PTPRJ: variants seen among roughly 807,000 people sequenced by gnomAD.
PTPRJ encodes the protein receptor-type tyrosine-protein phosphatase eta.
PTPRJ carries 129 observed loss-of-function variants against 141.3 expected under a neutral mutation model. The observed-to-expected ratio is 0.91, with a 90% CI of 0.79 to 1.06. The LOEUF (loss-of-function observed/expected upper bound fraction) is 1.06, where lower values mean the gene tolerates loss of function less well. PTPRJ is among the 50% of genes least tolerant of loss of function. The pLI is 0.00. For missense variants in PTPRJ, 1,601 were observed against 1,679.7 expected, an observed-to-expected ratio of 0.95 and a Z score of 0.82; for synonymous variants, 610 against 640.5, an observed-to-expected ratio of 0.95 and a Z score of 0.72.
At chr11:48,028,563 G>T (rs545587705) in intron 1 of PTPRJ, among the ~76,000 whole-genome samples, 1 of 152,200 alleles carries the variant, frequency 6.6e-6, no homozygotes, top group Admixed American at 6.5e-5. Context: ...GGCTGAGGTG[G>T]GTGGCTCACC....
At chr11:48,136,945 T>C in intron 9 of PTPRJ, 58 bp from the exon 10 acceptor site, 1 of 1,461,848 alleles carries the variant, frequency 6.8e-7, no homozygotes, top group South Asian at 1.3e-5. Context: ...TAGTAAATAG[T>C]CCTGGAATTC....
At chr11:48,156,701 T>C (rs1272352288) in intron 21 of PTPRJ, among the ~76,000 whole-genome samples, 1 of 151,288 alleles carries the variant, frequency 6.6e-6, no homozygotes, top group Non-Finnish European at 1.5e-5. Context: ...TCCCTCCCAC[T>C]TCAGCCTCCT....
At chr11:48,097,584 C>G (rs1856043116) in intron 1 of PTPRJ, among the ~76,000 whole-genome samples, 1 of 151,516 alleles carries the variant, frequency 6.6e-6, no homozygotes, top group Non-Finnish European at 1.5e-5. Context: ...GTTGCATGGG[C>G]TGGAGTGTAG....
chr11:48,113,868 A>C (rs970598208), intron 3 of PTPRJ, among the ~76,000 whole-genome samples: 1 of 152,224 alleles, frequency 6.6e-6, no homozygotes, highest in East Asian at 1.9e-4. Flanking sequence ...ATTAATCAAT[A>C]TAACCCATAT....
rs533130046 is a variant in PTPRJ at position 48,055,799 on chromosome 11, G to A, written c.97-54259G>A. 4.6e-5 allele frequency among the ~76,000 whole-genome samples: 7 copies of A among 152,350 alleles called. No homozygotes were observed. The South Asian group carries it at 6.2e-4, about 14-fold the overall frequency. On this transcript the variant is annotated intron_variant, in intron 1 of 24. Transcript: ENST00000418331. Reference sequence around the variant, plus strand: ...CACTGACCTCAGGATCCAGCAGGACGCTGCTAGCTTGCTTGGCTCAGCTCT... The same window carrying A: ...CACTGACCTCAGGATCCAGCAGGACACTGCTAGCTTGCTTGGCTCAGCTCT...
chr11:48,124,346 C>T (rs760418305), intron 5 of PTPRJ, among the ~76,000 whole-genome samples: 8 of 152,176 alleles, frequency 5.3e-5, no homozygotes, highest in East Asian at 3.9e-4. Context: ...TCCTTGCTTG[C>T]GAGTGACAGA....
Position 48,145,041 on chromosome 11 carries a change from A to G in PTPRJ, c.2828A>G (p.Gln943Arg), listed in dbSNP as rs1460119529. The change falls in exon 14 of 25, where the codon CAA (glutamine) becomes CGA (arginine). Residue 943 changes from glutamine to arginine, a missense_variant. Coordinates refer to ENST00000418331, the MANE Select transcript of PTPRJ (RefSeq NM_002843.4). ...AGFTNITFHP[Q>R]NKGLIDGAES... ...TTCACCAACATTACCTTCCACCCTC[A>G]AAACAAGGGGCTCATTGATGGGGCT... 2.5e-6 allele frequency: 4 copies of G among 1,614,008 alleles called. No individual in the cohort carries two copies. The highest frequency in any genetic ancestry group is 1.3e-5 in the African/African-American group (1 of 74,890).
intron 1 of PTPRJ, among the ~76,000 whole-genome samples, chr11:48,071,177 CTATGGGGTT>C (rs1855237126): frequency 6.6e-6 from 1 of 152,162 alleles, no homozygotes; most frequent in South Asian, 2.1e-4. Context: ...AGGGAACATT[CTATGGGGTT>C]CCGAACAGAT....
chr11:48,035,543 T>C (rs67676756), intron 1 of PTPRJ, among the ~76,000 whole-genome samples: 7,090 of 132,482 alleles, frequency 0.054, 108 homozygotes, highest in African/African-American at 0.069. Context: ...TTCTTCTTTT[T>C]TTTTTTTTTT....
chr11:48,033,988 A>T (rs1040532895), intron 1 of PTPRJ, among the ~76,000 whole-genome samples: 1 of 152,228 alleles, frequency 6.6e-6, no homozygotes, highest in Non-Finnish European at 1.5e-5. Context: ...CATGTGAGGA[A>T]CAGGAACTTA....
chr11:48,117,296 T>G (rs1447879047), intron 3 of PTPRJ, among the ~76,000 whole-genome samples: 2 of 151,790 alleles, frequency 1.3e-5, no homozygotes, highest in East Asian at 3.9e-4. Context: ...ATCCCAGAAC[T>G]TTGGGAGGCC....
At chr11:48,062,284 C>T (rs562060301) in intron 1 of PTPRJ, among the ~76,000 whole-genome samples, 121 of 151,884 alleles carry the variant, frequency 8.0e-4, no homozygotes, top group Admixed American at 2.3e-3. Flanking sequence ...GAGGCCGAGG[C>T]GGGCGGATCA....
intron 1 of PTPRJ, among the ~76,000 whole-genome samples, chr11:48,093,630 G>A (rs894547943): frequency 2.0e-5 from 3 of 152,024 alleles, no homozygotes; most frequent in East Asian, 3.8e-4. Context: ...TGTATTTTTT[G>A]TTTGCTCAAA....
chr11:48,053,212 AT>A (rs1444865683), intron 1 of PTPRJ, among the ~76,000 whole-genome samples: 1 of 95,494 alleles, frequency 1.0e-5, no homozygotes, highest in African/African-American at 4.5e-5. Context: ...TATATTATAT[AT>A]AATATATTAA....
Position 48,153,394 on chromosome 11 carries a change from C to T in PTPRJ, c.3139-402C>T, listed in dbSNP as rs184916133. 1.6e-4 allele frequency among the ~76,000 whole-genome samples: 23 copies of T among 139,482 alleles called. No individual in the cohort carries two copies. In the East Asian group the frequency reaches 4.7e-3, roughly 29 times the overall value. 91.5% of individuals were successfully genotyped at this position (139,482 alleles called of 152,430 possible). On this transcript the variant is annotated intron_variant, in intron 18 of 24. Transcript: ENST00000418331. ...CTAAAAATACAAAAAATTAGCCAGG[C>T]GTGGTGGTGGGCGTCTGTAGTCCCA... is the stretch of plus-strand genomic sequence containing the variant.
rs1351743334 is a variant in PTPRJ, at chr11:48,168,582, A to ATATG, written c.*1220_*1221insTATG. 349 of 97,804 alleles carry ATATG rather than the reference A, an allele frequency of 3.6e-3. 75 individuals are homozygous for ATATG. The highest frequency in any genetic ancestry group is 6.0e-3 in the Middle Eastern group (1 of 166). 6.1% of individuals were successfully genotyped at this position (97,804 alleles called of 1,614,324 possible). ...TATATATATATATATATATATATATACACTAAGCTCTCAAAAACAGTCATT... is the reference window on the plus strand; with the variant it reads ...TATATATATATATATATATATATATATATGCACTAAGCTCTCAAAAACAGTCATT... On this transcript the variant is annotated 3_prime_UTR_variant, in exon 25 of 25. Transcript: ENST00000418331.
intron 1 of PTPRJ, among the ~76,000 whole-genome samples, chr11:48,028,112 TA>T (rs541204665): frequency 8.5e-4 from 130 of 152,334 alleles, no homozygotes; most frequent in African/African-American, 3.0e-3. Flanking sequence ...TACTGAGCCA[TA>T]AGTGGTCTCA....
intron 8 of PTPRJ, among the ~76,000 whole-genome samples, chr11:48,131,202 C>T (rs1856975152): frequency 6.6e-6 from 1 of 150,506 alleles, no homozygotes; most frequent in South Asian, 2.1e-4. Flanking sequence ...TGTGCCTCAG[C>T]CTCCTGAGTA....
intron 14 of PTPRJ, among the ~76,000 whole-genome samples, chr11:48,145,893 GT>G (rs1030265223): frequency 4.3e-4 from 65 of 152,070 alleles, no homozygotes; most frequent in African/African-American, 1.5e-3. Context: ...GTGTTGCTCT[GT>G]TGCCCAGGAG....
Sources: gnomAD v4.1 joint callset for allele counts (sites outside exome capture counted in the v4.1 genomes callset) on GRCh38, gnomAD v4.1.1 for gene constraint, MANE v1.5 for transcripts, NCBI Gene and HGNC (gene_info 2026-07-23, HGNC 2026-07-21) for gene names.